MZT2A: variants seen among roughly 807,000 people sequenced by gnomAD.
MZT2A encodes mitotic spindle organizing protein 2A.
A neutral mutation model predicts 12.4 loss-of-function variants in MZT2A; 8 were observed. The observed-to-expected ratio is 0.64, with a 90% CI of 0.38 to 1.16. MZT2A has a LOEUF of 1.16. Among genes scored for constraint, MZT2A ranks in the 50% most tolerant of loss-of-function variants. MZT2A has a pLI of 0.01. For synonymous variants in MZT2A, 88 were observed against 107.5 expected (o/e 0.82, Z 1.12); for missense variants, 181 against 223.6 (o/e 0.81, Z 1.22).
chr2:131,490,751 G>A (rs889454101), intron 2 of MZT2A: 2 of 1,541,140 alleles, frequency 1.3e-6, no homozygotes, highest in Admixed American at 2.0e-5. Context: ...GAGGCGGAGG[G>A]AACCCGGGGG....
chr2:131,487,391 T>C (rs536742159), intron 2 of MZT2A, among the ~76,000 whole-genome samples: 63 of 152,128 alleles, frequency 4.1e-4, no homozygotes, highest in South Asian at 6.2e-4. Context: ...GGTGGGAGGA[T>C]TGCCTGAGCC....
intron 2 of MZT2A, chr2:131,490,678 G>A (rs1176606644): frequency 3.2e-6 from 5 of 1,549,330 alleles, no homozygotes; most frequent in Admixed American, 2.0e-5. Context: ...ACAAGGAAGA[G>A]CACCAACCCC....
At chr2:131,475,030 A>G (rs1678611085) in intron 2 of MZT2A, among the ~76,000 whole-genome samples, 1 of 151,664 alleles carries the variant, frequency 6.6e-6, no homozygotes, top group Non-Finnish European at 1.5e-5. Flanking sequence ...GCGTGATCTC[A>G]GCTCACTGCA....
chr2:131,491,599 T>G, intron 2 of MZT2A: 2 of 569,550 alleles, frequency 3.5e-6, no homozygotes, highest in Non-Finnish European at 6.1e-6. Context: ...GATGAAGGCC[T>G]GAGTGAAGAG....
chr2:131,486,238 C>A (rs1679045835), intron 2 of MZT2A, among the ~76,000 whole-genome samples: 1 of 152,058 alleles, frequency 6.6e-6, no homozygotes, highest in African/African-American at 2.4e-5. Context: ...GTGGTACAAA[C>A]TGCCATAATT....
chr2:131,492,418 C>T (rs1038671072), upstream of MZT2A: 13 of 1,214,660 alleles, frequency 1.1e-5, no homozygotes, highest in Admixed American at 3.6e-4. Context: ...CCGCCGCGCC[C>T]CCTAGCGGAT....
downstream of MZT2A, chr2:131,479,248 G>A (rs564438518): frequency 1.2e-5 from 19 of 1,582,448 alleles, no homozygotes; most frequent in South Asian, 1.9e-4. Context: ...CTCCTGGAAT[G>A]TGTCCATCTT....
chr2:131,493,670 C>T (rs1472306374), upstream of MZT2A, among the ~76,000 whole-genome samples: 2 of 145,602 alleles, frequency 1.4e-5, no homozygotes, highest in Non-Finnish European at 3.0e-5. Context: ...GTCAGAAAAA[C>T]AAAACAAAAC....
At chr2:131,478,446 C>G in intron 2 of MZT2A, 1 of 1,465,636 alleles carries the variant, frequency 6.8e-7, no homozygotes, top group Non-Finnish European at 9.2e-7. Context: ...ATTGGTAAAG[C>G]CCCGTGTGGG....
chr2:131,490,059 C>T (rs1679225908), intron 2 of MZT2A: 1 of 869,442 alleles, frequency 1.2e-6, no homozygotes, highest in Non-Finnish European at 1.4e-6. Flanking sequence ...GTCCTTCAGG[C>T]CCTCTCCACC....
chr2:131,478,095 AT>A (rs1678735077), intron 2 of MZT2A: 2 of 1,556,426 alleles, frequency 1.3e-6, no homozygotes, highest in Admixed American at 3.8e-5. Flanking sequence ...AAATTAGAAT[AT>A]TTTGCATGCC....
chr2:131,492,986 A>G, upstream of MZT2A: 5 of 1,519,872 alleles, frequency 3.3e-6, no homozygotes, highest in Non-Finnish European at 4.4e-6. Context: ...CGCTTTGCGC[A>G]CGTACCTTTT....
chr2:131,487,899 T>C (rs927164036), intron 2 of MZT2A, among the ~76,000 whole-genome samples: 1 of 152,220 alleles, frequency 6.6e-6, no homozygotes, highest in Non-Finnish European at 1.5e-5. Context: ...CCCAAGTAGT[T>C]GGAACTACAG....
intron 2 of MZT2A, chr2:131,478,012 G>A: frequency 1.0e-6 from 1 of 988,978 alleles, no homozygotes; most frequent in Non-Finnish European, 1.5e-6. Flanking sequence ...CAGCGATAAA[G>A]GGATCAGTCA....
chr2:131,480,837 T>C (rs11884621), downstream of MZT2A: 71,564 of 1,535,532 alleles, frequency 0.047, 1,831 homozygotes, highest in Middle Eastern at 0.055. Flanking sequence ...TTTGGGGAGA[T>C]TATCCCTGTT....
downstream of MZT2A, chr2:131,479,166 G>T: frequency 7.3e-7 from 1 of 1,361,634 alleles, no homozygotes. Flanking sequence ...TTTTCTACCA[G>T]ACACTGCCAC....
intron 2 of MZT2A, chr2:131,490,906 A>G (rs1278321863): frequency 5.2e-6 from 8 of 1,549,668 alleles, no homozygotes; most frequent in African/African-American, 2.7e-5. Context: ...GAGGTCAGAG[A>G]GAGACACAAA....
chr2:131,480,740 T>G (rs747677098), downstream of MZT2A: 7 of 1,610,934 alleles, frequency 4.3e-6, no homozygotes, highest in South Asian at 7.7e-5. Flanking sequence ...GGTGCCCGAC[T>G]GGATTTAAGG....
intron 2 of MZT2A, among the ~76,000 whole-genome samples, chr2:131,487,788 A>G (rs1235671164): frequency 1.3e-5 from 2 of 152,166 alleles, no homozygotes; most frequent in Non-Finnish European, 2.9e-5. Flanking sequence ...TATTTTTGAG[A>G]CAGGGTCTCA....
Sources: allele counts gnomAD v4.1 joint callset (sites outside exome capture counted in the v4.1 genomes callset), GRCh38; gene constraint gnomAD v4.1.1; transcripts MANE v1.5; gene names NCBI Gene and HGNC (gene_info 2026-07-23, HGNC 2026-07-21).